The following DENND1A variants were observed in gnomAD, a reference collection of about 807,000 sequenced individuals.
DENND1A encodes the protein DENN domain containing 1A.
In DENND1A, 51 loss-of-function variants were observed where a neutral mutation model predicts 113.7. That is an observed-to-expected ratio of 0.45 (90% CI 0.36 to 0.57). The LOEUF (loss-of-function observed/expected upper bound fraction) is 0.57. Ranked by LOEUF, DENND1A falls within the 20% of genes least tolerant of loss-of-function variation. The probability of loss-of-function intolerance (pLI) is 0.00; values close to 1 mark genes in which losing one functional copy is unlikely to be tolerated. For synonymous variants in DENND1A, 565 were observed against 570.8 expected (o/e 0.99, Z 0.14); for missense variants, 1,258 against 1,395.9 (o/e 0.90, Z 1.57).
At position 123,652,025 on chromosome 9, in the gene DENND1A, G is replaced by T. The variant is rs1048438004; in HGVS notation, c.606C>A (p.Ser202Arg). ...LYERRILIIC[S>R]KLSTLTACIH... ...ACTGTCTACTCACAGTGCTGAGTTT[G>T]CTGCAAATGATGAGTATCCGGCGTT... The change falls in exon 9 of 24, where the codon AGC (serine) becomes AGA (arginine). Residue 202 changes from serine (S) to arginine (R), a missense_variant. Coordinates refer to ENST00000394215, the MANE Select transcript of DENND1A (RefSeq NM_001352964.2). 6.2e-7 allele frequency: 1 copy of T among 1,613,962 alleles called. No individual in the cohort carries two copies. Among genetic ancestry groups the T allele is most frequent in the Non-Finnish European group, 8.5e-7 (1 of 1,179,896 alleles).
intron 13 of DENND1A, among the ~76,000 whole-genome samples, chr9:123,528,845 C>G (rs2055058261): frequency 6.6e-6 from 1 of 152,190 alleles, no homozygotes; most frequent in Non-Finnish European, 1.5e-5. Context: ...CCACGGAGAA[C>G]AACTTCAGTT....
chr9:123,919,826 G>A (rs977853096), intron 1 of DENND1A, among the ~76,000 whole-genome samples: 6 of 150,054 alleles, frequency 4.0e-5, no homozygotes, highest in South Asian at 2.1e-4. Context: ...AGGTTGCAGC[G>A]TGCCGAGATT....
intron 5 of DENND1A, among the ~76,000 whole-genome samples, chr9:123,752,521 T>C (rs1248302878): frequency 2.6e-5 from 4 of 152,340 alleles, no homozygotes; most frequent in African/African-American, 9.6e-5. Context: ...AATATTTGTG[T>C]AGTTCCTTTA....
rs35695925 is a variant in DENND1A at position 123,685,997 on chromosome 9, G to GA, written c.303-9209dup. 3.4e-3 allele frequency among the ~76,000 whole-genome samples: 478 copies of GA among 142,682 alleles called. 2 individuals carry two copies. Among genetic ancestry groups the GA allele is most frequent in the Admixed American group, 0.014 (205 of 14,384 alleles). 93.6% of individuals were successfully genotyped at this position (142,682 alleles called of 152,430 possible). A position where few individuals can be genotyped will look rare whatever the true frequency, so the allele number is the denominator to read the frequency against. On this transcript the variant is annotated intron_variant, in intron 5 of 23. Transcript: ENST00000394215. The stretch of plus-strand genomic sequence containing the variant: ...CCTAGGAAATACACTGTCTCTACTA[G>GA]AAAAAAAAAAAACACAACAAAAGGA...
chr9:123,681,847 A>T (rs2064483591), intron 5 of DENND1A, among the ~76,000 whole-genome samples: 1 of 152,088 alleles, frequency 6.6e-6, no homozygotes, highest in Admixed American at 6.6e-5. Flanking sequence ...CTCCAGTAAT[A>T]GGAACCTGGG....
chr9:123,419,373 C>A (rs571887444), intron 19 of DENND1A, among the ~76,000 whole-genome samples: 4 of 152,372 alleles, frequency 2.6e-5, no homozygotes, highest in African/African-American at 7.2e-5. Context: ...GGAGGCCTGG[C>A]CCCAGAGGGG....
chr9:123,844,294 T>C (rs186643704), intron 2 of DENND1A, among the ~76,000 whole-genome samples: 3 of 152,280 alleles, frequency 2.0e-5, no homozygotes, highest in Admixed American at 1.3e-4. Flanking sequence ...GATTTGTACA[T>C]TACATACTCT....
At chr9:123,902,612 G>A (rs1851861149) in intron 1 of DENND1A, among the ~76,000 whole-genome samples, 1 of 151,976 alleles carries the variant, frequency 6.6e-6, no homozygotes, top group South Asian at 2.1e-4. Context: ...TAAAAGATCT[G>A]TCAAAAAACA....
rs572914254 is a variant in DENND1A at position 123,476,909 on chromosome 9, A to G, written c.994-19012T>C. 7.2e-5 allele frequency among the ~76,000 whole-genome samples: 11 copies of G among 152,196 alleles called. No individual in the cohort carries two copies. The South Asian group carries it at 8.3e-4, about 11-fold the overall frequency. ...TTCCGTGCCTGACCCAGACGGTAGC[A>G]TAAGAGGGCGGTGGCTCTACTTCTC... On this transcript the variant is annotated intron_variant, in intron 13 of 23. Transcript: ENST00000394215.
intron 12 of DENND1A, among the ~76,000 whole-genome samples, chr9:123,565,562 G>C (rs1317963986): frequency 2.0e-5 from 3 of 152,180 alleles, no homozygotes; most frequent in Admixed American, 6.5e-5. Flanking sequence ...CCCCTTTAAG[G>C]ACTAAGGCAA....
intron 5 of DENND1A, among the ~76,000 whole-genome samples, chr9:123,755,614 C>T (rs892242573): frequency 2.0e-5 from 3 of 152,106 alleles, no homozygotes; most frequent in Non-Finnish European, 4.4e-5. Context: ...GCCTCCCTTC[C>T]ACCTCTTCCA....
rs1197459225 is a variant in DENND1A at position 123,583,276 on chromosome 9, A to G, written c.766-6T>C. 1.9e-6 allele frequency: 3 copies of G among 1,608,864 alleles called. No homozygotes were observed. Among genetic ancestry groups the G allele is most frequent in the African/African-American group, 2.7e-5 (2 of 74,662 alleles). The stretch of plus-strand genomic sequence containing the variant: ...AGGGCCATGTTTCTGACTTTCTGCA[A>G]GGAGAAAAAAATCCACAAGAGAAGG... On this transcript the variant is annotated splice_region_variant and splice_polypyrimidine_tract_variant and intron_variant, in intron 11 of 23. Transcript: ENST00000394215.
chr9:123,557,719 A>G (rs1458946926), intron 12 of DENND1A, 24 bp from the exon 13 acceptor site: 1 of 1,613,022 alleles, frequency 6.2e-7, no homozygotes, highest in South Asian at 1.1e-5. Context: ...GAAGGAAAAC[A>G]CAGGTTGAGG....
In DENND1A at chr9:123,551,156, G is replaced by A. The variant is rs114088414; in HGVS notation, c.993+6414C>T. Among the ~76,000 whole-genome samples, 854 of 152,318 alleles carry A rather than the reference G, an allele frequency of 5.6e-3. 9 individuals carry two copies. The highest frequency in any genetic ancestry group is 0.019 in the African/African-American group (810 of 41,562). On this transcript the variant is annotated intron_variant, in intron 13 of 23. Transcript: ENST00000394215. ...GATATTGTTAAATATCTTGGGCTTT[G>A]CATCTGATTTTCTCCAGGTGACCGA...
intron 10 of DENND1A, among the ~76,000 whole-genome samples, chr9:123,612,992 G>T (rs2060482747): frequency 1.3e-5 from 2 of 152,094 alleles, no homozygotes; most frequent in African/African-American, 4.8e-5. Flanking sequence ...TTCCAGCCCT[G>T]GTTCTGTAGC....
At chr9:123,414,686 A>G in intron 19 of DENND1A, 2 of 1,464,318 alleles carry the variant, frequency 1.4e-6, no homozygotes, top group Non-Finnish European at 1.9e-6. Flanking sequence ...CCTATTTCCC[A>G]AGTTTATTTG....
At chr9:123,492,487 G>A (rs2134001498) in intron 13 of DENND1A, among the ~76,000 whole-genome samples, 1 of 152,318 alleles carries the variant, frequency 6.6e-6, no homozygotes, top group South Asian at 2.1e-4. Context: ...AATGTGAAGG[G>A]AATTGAAAGT....
At chr9:123,423,218 G>C (rs1186478207) in intron 19 of DENND1A, among the ~76,000 whole-genome samples, 1 of 152,184 alleles carries the variant, frequency 6.6e-6, no homozygotes, top group Non-Finnish European at 1.5e-5. Flanking sequence ...CCTGCCTTCA[G>C]GGTGAATGGC....
At chr9:123,821,370 GA>G (rs1244089425) in intron 2 of DENND1A, among the ~76,000 whole-genome samples, 1 of 151,686 alleles carries the variant, frequency 6.6e-6, no homozygotes, top group Non-Finnish European at 1.5e-5. Context: ...TTTTCAAAAT[GA>G]AAAAAAATTA....
Sources: allele counts gnomAD v4.1 joint callset (sites outside exome capture counted in the v4.1 genomes callset), GRCh38; gene constraint gnomAD v4.1.1; transcripts MANE v1.5; gene names NCBI Gene and HGNC (gene_info 2026-07-23, HGNC 2026-07-21).